C4orf50: variants seen among roughly 807,000 people sequenced by gnomAD.
C4orf50 encodes the protein uncharacterized protein C4orf50.
C4orf50 carries 80 observed loss-of-function variants against 77.2 expected under a neutral mutation model. The ratio of observed to expected loss-of-function variants is 1.04; its 90% CI spans 0.87 to 1.25. The LOEUF is 1.25. Among genes scored for constraint, C4orf50 ranks in the 50% most tolerant of loss-of-function variants. C4orf50 has a pLI of 0.00. For synonymous variants in C4orf50, 532 were observed against 465.3 expected (o/e 1.14, Z -1.84); for missense variants, 1,257 against 1,152.9 (o/e 1.09, Z -1.31).
At position 5,925,539 on chromosome 4, in the gene C4orf50, C is replaced by T. The variant is rs4543063; in HGVS notation, c.*2475-27351G>A. On this transcript the variant is annotated intron_variant, in intron 7 of 7. Transcript: ENST00000324058. Reference sequence around the variant, plus strand: ...CTGGCAGAAACAGCCAGCCTGGCCCCGGGAAACGCAGAGAGGAGGATGGCT... The same window carrying T: ...CTGGCAGAAACAGCCAGCCTGGCCCTGGGAAACGCAGAGAGGAGGATGGCT... 4.2e-3 allele frequency among the ~76,000 whole-genome samples: 636 copies of T among 152,350 alleles called. 23 individuals carry two copies. The highest frequency in any genetic ancestry group is 0.038 in the Admixed American group (584 of 15,304).
rs1722735486 is a variant in C4orf50, at chr4:6,017,801, C to T, written c.287+344G>A. On this transcript the variant is annotated intron_variant, in intron 23 of 33. Coordinates refer to ENST00000531445, the Ensembl canonical transcript of C4orf50. This position sits in a 1 kb window ranked among gnomAD's most constrained non-coding sequence, Gnocchi z 4.7. ...GTTTCTCAGTTCCTTCTACACTTCC[C>T]TGTCACTTTGAACATAGGGCCCTTT... is the stretch of plus-strand genomic sequence containing the variant. 6.6e-6 allele frequency among the ~76,000 whole-genome samples: 1 copy of T among 152,186 alleles called. No homozygotes were observed. The highest frequency in any genetic ancestry group is 2.1e-4 in the South Asian group (1 of 4,828).
intron 33 of C4orf50, among the ~76,000 whole-genome samples, chr4:5,961,554 A>G (rs1212934596): frequency 1.3e-5 from 2 of 152,200 alleles, no homozygotes; most frequent in Admixed American, 1.3e-4. Context: ...AGATGAAGCA[A>G]CAGAAGCCCA....
rs1721040556 is a variant in C4orf50, at chr4:5,988,775, G to T, written c.3271C>A (p.His1091Asn). The change falls in exon 28 of 34, where the codon CAC becomes AAC. Residue 1091 changes from histidine to asparagine, a missense_variant. By Grantham distance (68) the His-to-Asn change is moderately conservative. Transcript: ENST00000531445. ...AGGACATGGACCCTGCGTAGAAGGT[G>T]CTCGTTCTCCCCACTTAAGGCCCGG... 3.3e-6 allele frequency: 5 copies of T among 1,535,978 alleles called. No individual in the cohort carries two copies. The Admixed American group carries it at 9.8e-5, about 30-fold the overall frequency.
At chr4:5,947,326 T>C (rs970256117) in intron 7 of C4orf50, among the ~76,000 whole-genome samples, 7 of 151,834 alleles carry the variant, frequency 4.6e-5, no homozygotes, top group Non-Finnish European at 1.0e-4. Flanking sequence ...CCCAGCAGGG[T>C]TGCAGATTTG....
At chr4:5,997,394 G>A (rs894090612) in intron 25 of C4orf50, among the ~76,000 whole-genome samples, 6 of 152,156 alleles carry the variant, frequency 3.9e-5, no homozygotes, top group African/African-American at 1.4e-4. Flanking sequence ...AGAAGACAAC[G>A]CTGTACTGAA....
intron 7 of C4orf50, among the ~76,000 whole-genome samples, chr4:5,909,322 G>A (rs894700722): frequency 2.6e-5 from 4 of 152,102 alleles, no homozygotes; most frequent in African/African-American, 7.2e-5. Flanking sequence ...GCTGTTGACC[G>A]CAACCAGATA....
intron 25 of C4orf50, among the ~76,000 whole-genome samples, chr4:6,001,253 G>A (rs936349590): frequency 1.3e-5 from 2 of 152,098 alleles, no homozygotes; most frequent in Non-Finnish European, 2.9e-5. Flanking sequence ...GAGTTCAAGC[G>A]ATTCTCCTGC....
At chr4:5,969,581 G>A (rs1220435761) in intron 31 of C4orf50, among the ~76,000 whole-genome samples, 2 of 151,932 alleles carry the variant, frequency 1.3e-5, no homozygotes, top group Admixed American at 1.3e-4. Flanking sequence ...CTGCTCCCAG[G>A]GGAGCAAAAC....
intron 31 of C4orf50, among the ~76,000 whole-genome samples, chr4:5,973,393 C>T (rs11733383): frequency 0.46 from 70,424 of 152,122 alleles, 16,639 homozygotes; most frequent in African/African-American, 0.57. Context: ...GCTTGTATGA[C>T]GCTGAATTAC....
At position 5,901,732 on chromosome 4, in the gene C4orf50, G is replaced by A. The variant is rs1389317551; in HGVS notation, c.*2475-3544C>T. 6.6e-6 allele frequency: 1 copy of A among 152,320 alleles called. No individual in the cohort carries two copies. Among genetic ancestry groups the A allele is most frequent in the Admixed American group, 6.5e-5 (1 of 15,286 alleles). 9.4% of individuals were successfully genotyped at this position (152,320 alleles called of 1,614,324 possible). A position where few individuals can be genotyped will look rare whatever the true frequency, so the allele number is the denominator to read the frequency against. On this transcript the variant is annotated intron_variant, in intron 7 of 7. Transcript: ENST00000324058. This position sits in a 1 kb window ranked among gnomAD's most constrained non-coding sequence, Gnocchi z 4.4. ...GAGTGCTCCATTGGCCTTGCCCAGG[G>A]ACCCTGGAAATGACTGAGGGGATAA...
At position 5,932,705 on chromosome 4, in the gene C4orf50, G is replaced by A. The variant is rs898949388; in HGVS notation, c.*2474+24196C>T. On this transcript the variant is annotated intron_variant, in intron 7 of 7. Transcript: ENST00000324058. This position sits in a 1 kb window ranked among gnomAD's most constrained non-coding sequence, Gnocchi z 4.2. ...AATTCTCTTACCTCAGCCTCCCAAA[G>A]TGCTGAGATAACAGGTGTGAGTCAC... Among the ~76,000 whole-genome samples the A allele has an allele frequency of 2.0e-5, 3 of 152,264 alleles. No individual in the cohort carries two copies. Among genetic ancestry groups the A allele is most frequent in the Admixed American group, 6.5e-5 (1 of 15,298 alleles).
intron 7 of C4orf50, among the ~76,000 whole-genome samples, chr4:5,912,344 A>G (rs933383379): frequency 6.6e-6 from 1 of 151,784 alleles, no homozygotes; most frequent in Non-Finnish European, 1.5e-5. Flanking sequence ...GCATGAATGA[A>G]TGAGAGCAGG....
intron 7 of C4orf50, among the ~76,000 whole-genome samples, chr4:5,910,577 G>A (rs191048698): frequency 7.2e-5 from 11 of 152,266 alleles, no homozygotes; most frequent in African/African-American, 2.6e-4. Flanking sequence ...TGAGGAAAGA[G>A]ATTTTCAAAG....
intron 7 of C4orf50, among the ~76,000 whole-genome samples, chr4:5,911,970 C>T (rs531497398): frequency 2.6e-5 from 4 of 152,042 alleles, no homozygotes; most frequent in African/African-American, 7.2e-5. Context: ...CGCTTTAACC[C>T]CGGAGGCGGA....
At chr4:5,898,512 T>G (rs1716219618) in intron 7 of C4orf50, 1 of 152,232 alleles carries the variant, frequency 6.6e-6, no homozygotes. Context: ...GCTTGCACAG[T>G]TAGTCGGCAG....
chr4:5,924,585 T>C (rs12505016), intron 7 of C4orf50, among the ~76,000 whole-genome samples: 62,363 of 152,030 alleles, frequency 0.41, 14,394 homozygotes, highest in East Asian at 0.77. Context: ...TCCCTGGCTA[T>C]AGGGCCCTCA....
At chr4:6,004,099 T>A (rs796205450) in intron 25 of C4orf50, among the ~76,000 whole-genome samples, 1 of 107,716 alleles carries the variant, frequency 9.3e-6, no homozygotes, top group East Asian at 3.0e-4. Context: ...ATGATGGTGA[T>A]GATGGTGATG....
rs114515593 is a variant in C4orf50 at position 5,925,233 on chromosome 4, G to A, written c.*2475-27045C>T. Among the ~76,000 whole-genome samples, 176 of 152,066 alleles carry A rather than the reference G, an allele frequency of 1.2e-3. 1 individual carries two copies. Among genetic ancestry groups the A allele is most frequent in the Admixed American group, 3.6e-3 (55 of 15,288 alleles). On this transcript the variant is annotated intron_variant, in intron 7 of 7. Transcript: ENST00000324058. The stretch of plus-strand genomic sequence containing the variant: ...GGCAGAGGGAAGGGATATGGCGCTC[G>A]GCAAGGGGAGACCCGCAACCCCTGA...
intron 28 of C4orf50, among the ~76,000 whole-genome samples, chr4:5,986,421 CATAATAGAAATT>C (rs780713188): frequency 2.6e-4 from 39 of 152,182 alleles, no homozygotes; most frequent in Non-Finnish European, 4.4e-4. Flanking sequence ...AAGAAGAAAT[CATAATAGAAATT>C]AGAAGCTATT....
Sources: allele counts gnomAD v4.1 joint callset (sites outside exome capture counted in the v4.1 genomes callset), GRCh38; gene constraint gnomAD v4.1.1; non-coding constraint Gnocchi (gnomAD v3.1); transcripts MANE v1.5; gene names NCBI Gene and HGNC (gene_info 2026-07-23, HGNC 2026-07-21).